The following PTPRD variants were observed in gnomAD, a reference collection of about 807,000 sequenced individuals.
PTPRD encodes the protein protein tyrosine phosphatase receptor type D, also known as receptor-type tyrosine-protein phosphatase delta.
Under a neutral mutation model 214.5 loss-of-function variants are expected in PTPRD, and 34 were observed. The observed-to-expected ratio is 0.16, with a 90% CI of 0.12 to 0.21. PTPRD has a LOEUF of 0.21. Among genes scored for constraint, PTPRD ranks in the 10% least tolerant of loss-of-function variants. The pLI, the probability that PTPRD is intolerant of heterozygous loss-of-function variation, is 1.00. For synonymous variants in PTPRD, 1,128 were observed against 845.7 expected, an observed-to-expected ratio of 1.33 and a Z score of -5.79; for missense variants, 2,545 against 2,398.7, an observed-to-expected ratio of 1.06 and a Z score of -1.27.
rs75275909 is a variant in PTPRD, at chr9:8,761,717, C to G, written c.-103-27771G>C. Among the ~76,000 whole-genome samples the G allele has an allele frequency of 2.7e-3, 412 of 151,982 alleles. 2 individuals carry two copies. The highest frequency in any genetic ancestry group is 9.4e-3 in the African/African-American group (390 of 41,466). Reference sequence around the variant, plus strand: ...TAATACTGTTAATAATAACCATGGTCAAGGACGAGAAATGAAAAGATGTAG... The same window carrying G: ...TAATACTGTTAATAATAACCATGGTGAAGGACGAGAAATGAAAAGATGTAG... On this transcript the variant is annotated intron_variant, in intron 11 of 45. Coordinates refer to ENST00000381196, the MANE Select transcript of PTPRD (RefSeq NM_002839.4).
rs78126870 is a variant in PTPRD, at chr9:10,419,982, A to C, written c.-599-78965T>G. 6.2e-4 allele frequency among the ~76,000 whole-genome samples: 94 copies of C among 151,978 alleles called. No homozygotes were observed. In the East Asian group the frequency reaches 0.018, roughly 29 times the overall value. On this transcript the variant is annotated intron_variant, in intron 2 of 45. Transcript: ENST00000381196. ...TTACTAGGCATAGATAATCAGATTT[A>C]TAATTTATTGATTGGAAAAAAATAT... is the stretch of plus-strand genomic sequence containing the variant.
At chr9:9,907,206 G>C (rs1174855962) in intron 5 of PTPRD, among the ~76,000 whole-genome samples, 1 of 151,824 alleles carries the variant, frequency 6.6e-6, no homozygotes, top group Non-Finnish European at 1.5e-5. Context: ...ATTAGGTCAT[G>C]TGCAATTGTC....
At chr9:9,876,897 T>C (rs539921067) in intron 5 of PTPRD, among the ~76,000 whole-genome samples, 3 of 152,184 alleles carry the variant, frequency 2.0e-5, no homozygotes, top group Non-Finnish European at 4.4e-5. Context: ...TTTTTACTCA[T>C]TCGTGTCACA....
At chr9:8,422,851 CT>C (rs1166698796) in intron 35 of PTPRD, among the ~76,000 whole-genome samples, 1 of 152,170 alleles carries the variant, frequency 6.6e-6, no homozygotes, top group East Asian at 1.9e-4. Flanking sequence ...CAATTAATTA[CT>C]GGTAGTGGGT....
intron 2 of PTPRD, among the ~76,000 whole-genome samples, chr9:10,606,493 T>C (rs1030500561): frequency 6.6e-6 from 1 of 151,750 alleles, no homozygotes; most frequent in Non-Finnish European, 1.5e-5. Context: ...CTGGTTCCAC[T>C]TTAGAAACAG....
intron 7 of PTPRD, among the ~76,000 whole-genome samples, chr9:9,593,187 A>G (rs2092927295): frequency 7.0e-6 from 1 of 142,472 alleles, no homozygotes; most frequent in South Asian, 2.1e-4. Flanking sequence ...TTGAGTTTTT[A>G]CCAGTTTTGT....
In PTPRD at chr9:9,448,114, G is replaced by T. The variant is rs919951070; in HGVS notation, c.-236-50632C>A. On this transcript the variant is annotated intron_variant, in intron 8 of 45. Coordinates refer to ENST00000381196, the MANE Select transcript of PTPRD (RefSeq NM_002839.4). ...AAGAAAGGAAGGGTATGAAGACCAG[G>T]TAGGAGCCCCATGCATTTAAATCAG... is the stretch of plus-strand genomic sequence containing the variant. Among the ~76,000 whole-genome samples, 4 of 152,214 alleles carry T rather than the reference G, an allele frequency of 2.6e-5. No homozygotes were observed. The South Asian group carries it at 8.3e-4, about 32-fold the overall frequency.
chr9:8,737,713 C>T (rs1478370981), intron 11 of PTPRD, among the ~76,000 whole-genome samples: 1 of 152,170 alleles, frequency 6.6e-6, no homozygotes, highest in Non-Finnish European at 1.5e-5. Context: ...TGCAGTGGCA[C>T]AATCTCAGCT....
intron 7 of PTPRD, among the ~76,000 whole-genome samples, chr9:9,699,171 C>T (rs1380662841): frequency 6.6e-6 from 1 of 152,050 alleles, no homozygotes; most frequent in Non-Finnish European, 1.5e-5. Flanking sequence ...GTAACAATAA[C>T]ATAGTTCTGG....
chr9:10,303,386 C>G (rs1471371367), intron 3 of PTPRD, among the ~76,000 whole-genome samples: 1 of 151,696 alleles, frequency 6.6e-6, no homozygotes, highest in Non-Finnish European at 1.5e-5. Context: ...CAAAAGCTAG[C>G]AGAAGACAAG....
intron 11 of PTPRD, among the ~76,000 whole-genome samples, chr9:8,845,219 C>T (rs1339455276): frequency 6.6e-6 from 1 of 151,868 alleles, no homozygotes; most frequent in East Asian, 1.9e-4. Flanking sequence ...CCTCTGAGAC[C>T]TGGTCCTAAC....
intron 5 of PTPRD, among the ~76,000 whole-genome samples, chr9:9,781,502 G>C (rs922575680): frequency 6.6e-6 from 1 of 152,150 alleles, no homozygotes; most frequent in Admixed American, 6.5e-5. Context: ...AGATCTAATT[G>C]ACCAATAATA....
At chr9:9,509,275 G>A (rs1052150524) in intron 8 of PTPRD, among the ~76,000 whole-genome samples, 9 of 151,330 alleles carry the variant, frequency 5.9e-5, no homozygotes, top group Non-Finnish European at 1.0e-4. Flanking sequence ...GTCATTTTTG[G>A]TAACGGAAAC....
At chr9:8,722,055 A>G (rs894388470) in intron 12 of PTPRD, among the ~76,000 whole-genome samples, 1 of 152,174 alleles carries the variant, frequency 6.6e-6, no homozygotes. Flanking sequence ...GAATTCCTTG[A>G]TAAGAAAAAT....
intron 14 of PTPRD, among the ~76,000 whole-genome samples, chr9:8,600,523 A>G (rs1214530430): frequency 2.0e-5 from 3 of 151,760 alleles, no homozygotes; most frequent in African/African-American, 7.3e-5. Flanking sequence ...GCTTGAGAAT[A>G]GAAGAGGAAA....
At chr9:10,205,118 T>C in intron 3 of PTPRD, among the ~76,000 whole-genome samples, 1 of 152,242 alleles carries the variant, frequency 6.6e-6, no homozygotes, top group Middle Eastern at 3.4e-3. Flanking sequence ...GTGTATTTAT[T>C]TATAAATTCT....
Position 10,372,487 on chromosome 9 carries a change from C to T in PTPRD, c.-599-31470G>A, listed in dbSNP as rs139652644. ...ATACCACTTGTTAGTAAAAGAGTGCCGCCTTGTTCCTGTTTGCCTTGAATT... is the reference window on the plus strand; with the variant it reads ...ATACCACTTGTTAGTAAAAGAGTGCTGCCTTGTTCCTGTTTGCCTTGAATT... On this transcript the variant is annotated intron_variant, in intron 2 of 45. Transcript: ENST00000381196. 2.1e-3 allele frequency among the ~76,000 whole-genome samples: 322 copies of T among 152,116 alleles called. 2 individuals are homozygous for T. Among genetic ancestry groups the T allele is most frequent in the African/African-American group, 6.9e-3 (287 of 41,526 alleles).
At chr9:8,610,906 C>T (rs1036696576) in intron 14 of PTPRD, among the ~76,000 whole-genome samples, 2 of 152,202 alleles carry the variant, frequency 1.3e-5, no homozygotes, top group African/African-American at 2.4e-5. Context: ...TAGCCAGCTG[C>T]TAACATGCTG....
chr9:9,520,570 G>T (rs1417745302), intron 8 of PTPRD, among the ~76,000 whole-genome samples: 1 of 152,020 alleles, frequency 6.6e-6, no homozygotes, highest in African/African-American at 2.4e-5. Context: ...TCGTTTGCTT[G>T]CTTCACAATA....
Sources: gnomAD v4.1 joint callset for allele counts (sites outside exome capture counted in the v4.1 genomes callset) on GRCh38, gnomAD v4.1.1 for gene constraint, MANE v1.5 for transcripts, NCBI Gene and HGNC (gene_info 2026-07-23, HGNC 2026-07-21) for gene names.